Variants in DPP10 observed in about 807,000 individuals in gnomAD.
DPP10 encodes dipeptidyl peptidase like 10, also known as inactive dipeptidyl peptidase 10.
A neutral mutation model predicts 120.9 loss-of-function variants in DPP10; 33 were observed. The ratio of observed to expected loss-of-function variants is 0.27; its 90% CI spans 0.21 to 0.37. The LOEUF (loss-of-function observed/expected upper bound fraction) is 0.37, where lower values mean the gene tolerates loss of function less well. Ranked by LOEUF, DPP10 falls within the 10% of genes least tolerant of loss-of-function variation. The pLI, the probability that DPP10 is intolerant of heterozygous loss-of-function variation, is 1.00. For synonymous variants in DPP10, 337 were observed against 326.1 expected (o/e 1.03, Z -0.36); for missense variants, 816 against 942.8 (o/e 0.87, Z 1.76).
intron 1 of DPP10, among the ~76,000 whole-genome samples, chr2:114,825,367 A>G (rs1304110313): frequency 1.3e-5 from 2 of 152,190 alleles, no homozygotes; most frequent in Admixed American, 6.5e-5. Context: ...TTTGAGAGGA[A>G]TTGTATGCCT....
intron 3 of DPP10, among the ~76,000 whole-genome samples, chr2:115,381,427 T>C (rs1254197668): frequency 6.6e-6 from 1 of 152,176 alleles, no homozygotes; most frequent in African/African-American, 2.4e-5. Flanking sequence ...CACTTCTCTG[T>C]ATTGGTTATT....
At position 115,658,095 on chromosome 2, in the gene DPP10, G is replaced by C. The variant is rs183329806; in HGVS notation, c.442-31592G>C. On this transcript the variant is annotated intron_variant, in intron 5 of 25. Coordinates refer to ENST00000410059, the MANE Select transcript of DPP10 (RefSeq NM_020868.6). ...ATCTTGTATGAACTACTATTTTTGG[G>C]AAGAATTCACCTGCCCTGGATTGCT... Among the ~76,000 whole-genome samples, 600 of 151,878 alleles carry C rather than the reference G, an allele frequency of 4.0e-3. 3 individuals carry two copies. Among genetic ancestry groups the C allele is most frequent in the African/African-American group, 0.014 (579 of 41,486 alleles).
At position 115,114,020 on chromosome 2, in the gene DPP10, T is replaced by C. The variant is rs573723914; in HGVS notation, c.61-195219T>C. On this transcript the variant is annotated intron_variant, in intron 1 of 25. Coordinates refer to ENST00000410059, the MANE Select transcript of DPP10 (RefSeq NM_020868.6). Reference sequence around the variant, plus strand: ...CAAGTCTGACTACTAAAATTGCTTGTTGTAACCCGAAACCAGTTTTATCTA... The same window carrying C: ...CAAGTCTGACTACTAAAATTGCTTGCTGTAACCCGAAACCAGTTTTATCTA... Among the ~76,000 whole-genome samples the C allele has an allele frequency of 4.6e-5, 7 of 152,318 alleles. No individual in the cohort carries two copies. In the South Asian group the frequency reaches 8.3e-4, roughly 18 times the overall value.
chr2:115,517,780 T>G (rs2077581594), intron 4 of DPP10, among the ~76,000 whole-genome samples: 1 of 152,340 alleles, frequency 6.6e-6, no homozygotes, highest in Non-Finnish European at 1.5e-5. Flanking sequence ...GATATCTGTC[T>G]TATCTATTAA....
chr2:115,190,683 G>A (rs1347419056), intron 1 of DPP10, among the ~76,000 whole-genome samples: 1 of 152,182 alleles, frequency 6.6e-6, no homozygotes, highest in Non-Finnish European at 1.5e-5. Context: ...AGTCTCGCAT[G>A]ACTCATCGCC....
At chr2:115,315,453 A>G (rs2061750062) in intron 2 of DPP10, among the ~76,000 whole-genome samples, 1 of 152,176 alleles carries the variant, frequency 6.6e-6, no homozygotes, top group South Asian at 2.1e-4. Context: ...TCCTGGTTAT[A>G]GTTAGTTAAA....
intron 1 of DPP10, among the ~76,000 whole-genome samples, chr2:114,897,698 G>C (rs930042821): frequency 6.6e-6 from 1 of 152,070 alleles, no homozygotes; most frequent in African/African-American, 2.4e-5. Context: ...GACATGAACA[G>C]ACACTTCTCA....
intron 3 of DPP10, among the ~76,000 whole-genome samples, chr2:115,451,417 G>A (rs746164518): frequency 2.4e-4 from 37 of 151,974 alleles, no homozygotes; most frequent in Non-Finnish European, 3.5e-4. Context: ...AAGATTTCAT[G>A]TCTGCCAAGT....
At chr2:115,571,922 CTT>C (rs1056920443) in intron 5 of DPP10, among the ~76,000 whole-genome samples, 6 of 151,984 alleles carry the variant, frequency 3.9e-5, no homozygotes, top group Non-Finnish European at 7.4e-5. Flanking sequence ...AACCATTTCA[CTT>C]TTCCAAACTA....
chr2:114,577,480 T>C (rs562985511), intron 1 of DPP10, among the ~76,000 whole-genome samples: 1 of 152,164 alleles, frequency 6.6e-6, no homozygotes, highest in African/African-American at 2.4e-5. Flanking sequence ...ACCAGAGGGG[T>C]CCATAGAAAG....
chr2:114,898,350 G>T (rs1047381060), intron 1 of DPP10, among the ~76,000 whole-genome samples: 12 of 152,010 alleles, frequency 7.9e-5, no homozygotes, highest in African/African-American at 2.9e-4. Context: ...GACTGTTGTG[G>T]GGTGGGGGAT....
chr2:114,834,530 G>GCACCTATGTATATATAAGCCATATCTACA lies in DPP10; in HGVS notation c.60+391720_60+391721insACACCTATGTATATATAAGCCATATCTAC, dbSNP rs1558790770. Among the ~76,000 whole-genome samples the GCACCTATGTATATATAAGCCATATCTACA allele has an allele frequency of 6.1e-4, 80 of 131,346 alleles. 1 individual carries two copies. Among genetic ancestry groups the GCACCTATGTATATATAAGCCATATCTACA allele is most frequent in the Non-Finnish European group, 9.8e-4 (60 of 61,052 alleles). The allele number at this position is 131,346 out of a possible 152,430, so 86.2% of individuals were successfully genotyped here. ...CTATGTATATATAAGACATATCTAC[G>GCACCTATGTATATATAAGCCATATCTACA]CACCTATGTATATATAAGCCATATC... On this transcript the variant is annotated intron_variant, in intron 1 of 25. Coordinates refer to ENST00000410059, the MANE Select transcript of DPP10 (RefSeq NM_020868.6).
intron 1 of DPP10, among the ~76,000 whole-genome samples, chr2:114,643,334 C>T (rs1447626623): frequency 6.6e-6 from 1 of 151,866 alleles, no homozygotes; most frequent in Admixed American, 6.5e-5. Flanking sequence ...TCTTCTCTCC[C>T]GTGAAGCAAT....
chr2:114,756,572 G>A (rs752991546), intron 1 of DPP10, among the ~76,000 whole-genome samples: 9 of 152,170 alleles, frequency 5.9e-5, no homozygotes, highest in East Asian at 3.8e-4. Context: ...CTAGCTGCAC[G>A]TTAGAGTTAC....
chr2:115,783,862 G>C (rs1485909817), intron 17 of DPP10, among the ~76,000 whole-genome samples: 1 of 152,058 alleles, frequency 6.6e-6, no homozygotes, highest in African/African-American at 2.4e-5. Context: ...CAAAACATCA[G>C]TGTCCTCCGA....
At position 115,777,692 on chromosome 2, in the gene DPP10, T is replaced by C. The variant is rs982633807; in HGVS notation, c.1314-95T>C. On this transcript the variant is annotated intron_variant, in intron 14 of 25. Transcript: ENST00000410059. ...TGAAAATTCAGGTGAAGATTCAATG[T>C]GAATTCAGGATTCAATGTGACAATG... 1.8e-5 allele frequency: 24 copies of C among 1,298,110 alleles called. No individual in the cohort carries two copies. The Middle Eastern group carries it at 5.9e-4, about 32-fold the overall frequency. 80.4% of individuals were successfully genotyped at this position (1,298,110 alleles called of 1,614,324 possible).
chr2:115,316,551 A>G (rs2061802210), intron 2 of DPP10, among the ~76,000 whole-genome samples: 1 of 152,158 alleles, frequency 6.6e-6, no homozygotes, highest in Non-Finnish European at 1.5e-5. Flanking sequence ...TGGGAAGTTG[A>G]AAATCGTAAG....
At chr2:114,622,979 A>G (rs1187554409) in intron 1 of DPP10, among the ~76,000 whole-genome samples, 2 of 152,070 alleles carry the variant, frequency 1.3e-5, no homozygotes, top group Non-Finnish European at 2.9e-5. Context: ...GGGGTTGACA[A>G]TTTGGAGGTG....
intron 1 of DPP10, among the ~76,000 whole-genome samples, chr2:114,971,502 A>G (rs1419497949): frequency 6.6e-6 from 1 of 152,184 alleles, no homozygotes; most frequent in African/African-American, 2.4e-5. Flanking sequence ...ATGTAAAAAC[A>G]CCTTTGGAAG....
Sources: allele counts gnomAD v4.1 joint callset (sites outside exome capture counted in the v4.1 genomes callset), GRCh38; gene constraint gnomAD v4.1.1; transcripts MANE v1.5; gene names NCBI Gene and HGNC (gene_info 2026-07-23, HGNC 2026-07-21).